The following CACNA1E variants were observed in gnomAD, a reference collection of about 807,000 sequenced individuals.
CACNA1E encodes voltage-dependent R-type calcium channel subunit alpha-1E.
Under a neutral mutation model 259.2 loss-of-function variants are expected in CACNA1E, and 40 were observed. The observed-to-expected ratio is 0.15, with a 90% confidence interval of 0.12 to 0.20. CACNA1E has a LOEUF of 0.20. Ranked by LOEUF, CACNA1E falls within the 10% of genes least tolerant of loss-of-function variation. The pLI, the probability that CACNA1E is intolerant of heterozygous loss-of-function variation, is 1.00. For missense variants in CACNA1E, 1,874 were observed against 3,040.1 expected, an observed-to-expected ratio of 0.62 and a Z score of 9.02; for synonymous variants, 1,104 against 1,138.5, an observed-to-expected ratio of 0.97 and a Z score of 0.61.
At chr1:181,713,755 G>A (rs1653623523) in intron 8 of CACNA1E, among the ~76,000 whole-genome samples, 1 of 152,176 alleles carries the variant, frequency 6.6e-6, no homozygotes, top group South Asian at 2.1e-4. Context: ...AACTCATCCC[G>A]TTACTCCTCA....
At chr1:181,351,160 G>T (rs1043408905) in intron 1 of CACNA1E, among the ~76,000 whole-genome samples, 1 of 152,184 alleles carries the variant, frequency 6.6e-6, no homozygotes, top group Non-Finnish European at 1.5e-5. Flanking sequence ...CAGTGGCTGG[G>T]GCTGGGAATA....
chr1:181,389,137 C>G (rs911688728), intron 1 of CACNA1E, among the ~76,000 whole-genome samples: 1 of 149,438 alleles, frequency 6.7e-6, no homozygotes, highest in African/African-American at 2.5e-5. Context: ...AGCCCTGTAG[C>G]TCATGCCTGA....
intron 7 of CACNA1E, among the ~76,000 whole-genome samples, chr1:181,708,870 T>G (rs981290080): frequency 2.6e-5 from 4 of 152,220 alleles, no homozygotes; most frequent in Non-Finnish European, 5.9e-5. Context: ...TTGCCATGGT[T>G]AGTACTGGAG....
At chr1:181,414,251 C>T (rs760875045) in intron 2 of CACNA1E, among the ~76,000 whole-genome samples, 8 of 152,238 alleles carry the variant, frequency 5.3e-5, no homozygotes, top group Admixed American at 6.5e-5. Flanking sequence ...CTGTGGATGC[C>T]GGAGTTTACT....
At chr1:181,594,770 C>T (rs948486821) in intron 6 of CACNA1E, among the ~76,000 whole-genome samples, 2 of 152,194 alleles carry the variant, frequency 1.3e-5, no homozygotes, top group East Asian at 1.9e-4. Context: ...CTCAGTGAGA[C>T]TCATTTTCAA....
intron 3 of CACNA1E, among the ~76,000 whole-genome samples, chr1:181,541,313 C>T (rs1004662171): frequency 2.0e-5 from 3 of 151,752 alleles, no homozygotes; most frequent in Admixed American, 6.6e-5. Flanking sequence ...TTATATCCAA[C>T]ATTATATATG....
intron 6 of CACNA1E, among the ~76,000 whole-genome samples, chr1:181,590,416 A>ATATAT (rs1419171903): frequency 6.9e-5 from 8 of 115,888 alleles, no homozygotes; most frequent in African/African-American, 1.9e-4. Flanking sequence ...AAAAAAAAAA[A>ATATAT]ATATATATAT....
At chr1:181,525,804 T>C (rs1448106687) in intron 3 of CACNA1E, among the ~76,000 whole-genome samples, 1 of 152,214 alleles carries the variant, frequency 6.6e-6, no homozygotes, top group East Asian at 1.9e-4. Flanking sequence ...GGCCATAGAT[T>C]GGAGTGGTCC....
In CACNA1E at chr1:181,339,061, T is replaced by C. The variant is rs191742908; in HGVS notation, c.-15+20938T>C. On this transcript the variant is annotated intron_variant, in intron 1 of 11. Transcript: ENST00000524607. ...GCCTATGTGTCTGTTTTGATTATTA[T>C]AATTTTGTAATATAATTTGAAATCA... Among the ~76,000 whole-genome samples, 223 of 152,326 alleles carry C rather than the reference T, an allele frequency of 1.5e-3. 1 individual carries two copies. Among genetic ancestry groups the C allele is most frequent in the Admixed American group, 3.3e-3 (51 of 15,302 alleles).
chr1:181,601,373 G>A (rs1653728327), intron 6 of CACNA1E, among the ~76,000 whole-genome samples: 1 of 152,102 alleles, frequency 6.6e-6, no homozygotes, highest in Non-Finnish European at 1.5e-5. Flanking sequence ...TAAGTGCTGG[G>A]ATGCTCCCTT....
At chr1:181,721,449 C>G (rs1334428281) in intron 15 of CACNA1E, among the ~76,000 whole-genome samples, 3 of 152,134 alleles carry the variant, frequency 2.0e-5, no homozygotes, top group African/African-American at 7.2e-5. Flanking sequence ...AATGACCAGA[C>G]CACCTGATCT....
rs184105397 is a variant in CACNA1E, at chr1:181,321,464, G to C, written c.-15+3341G>C. 1.7e-3 allele frequency among the ~76,000 whole-genome samples: 266 copies of C among 152,308 alleles called. 6 individuals are homozygous for C. The highest frequency in any genetic ancestry group is 0.017 in the Admixed American group (263 of 15,298). On this transcript the variant is annotated intron_variant, in intron 1 of 11. Coordinates refer to the CACNA1E transcript ENST00000524607. ...AGTTATTGATGCCTGCTTCTCTCAG[G>C]ATCATAGTCAGGTGAATCCAGTTGT...
intron 7 of CACNA1E, among the ~76,000 whole-genome samples, chr1:181,654,875 G>A (rs906595452): frequency 6.6e-6 from 1 of 151,420 alleles, no homozygotes; most frequent in Non-Finnish European, 1.5e-5. Flanking sequence ...TCCCAGCTAC[G>A]CGAGAGGCTG....
intron 6 of CACNA1E, among the ~76,000 whole-genome samples, chr1:181,627,732 T>C (rs1656329058): frequency 6.6e-6 from 1 of 152,204 alleles, no homozygotes; most frequent in African/African-American, 2.4e-5. Flanking sequence ...GTTTAAATTG[T>C]GTCACTAACA....
chr1:181,583,879 C>G (rs1253598825), intron 6 of CACNA1E, among the ~76,000 whole-genome samples: 1 of 152,148 alleles, frequency 6.6e-6, no homozygotes, highest in Non-Finnish European at 1.5e-5. Context: ...CCTGTTTGCA[C>G]TGTCTGTCCC....
rs1329935737 is a variant in CACNA1E at position 181,527,769 on chromosome 1, G to T, written c.512+16259G>T. On this transcript the variant is annotated intron_variant, in intron 3 of 47. Coordinates refer to ENST00000367573, the MANE Select transcript of CACNA1E (RefSeq NM_001205293.3). ...CCTACTTATATAATCAAAATCTCAT[G>T]ATAGTTCTATGTTGTTTTTGTTGCT... 2.6e-5 allele frequency among the ~76,000 whole-genome samples: 4 copies of T among 152,178 alleles called. No homozygotes were observed. The East Asian group carries it at 7.7e-4, about 29-fold the overall frequency.
intron 1 of CACNA1E, among the ~76,000 whole-genome samples, chr1:181,364,241 A>G (rs1293553261): frequency 6.6e-6 from 1 of 152,096 alleles, no homozygotes; most frequent in African/African-American, 2.4e-5. Flanking sequence ...TGTCTTCTTT[A>G]TTCACCATCC....
chr1:181,576,523 G>A (rs113954902), intron 3 of CACNA1E, among the ~76,000 whole-genome samples: 3 of 152,218 alleles, frequency 2.0e-5, no homozygotes, highest in East Asian at 3.9e-4. Context: ...TTGAAGACAC[G>A]TCAAATAGTG....
intron 2 of CACNA1E, among the ~76,000 whole-genome samples, chr1:181,454,453 C>A (rs1166866577): frequency 2.0e-5 from 3 of 152,146 alleles, no homozygotes; most frequent in Non-Finnish European, 4.4e-5. Context: ...GAGGCTTAGA[C>A]AAGGTGAAAT....
Sources: allele counts gnomAD v4.1 joint callset (sites outside exome capture counted in the v4.1 genomes callset), GRCh38; gene constraint gnomAD v4.1.1; transcripts MANE v1.5; gene names NCBI Gene and HGNC (gene_info 2026-07-23, HGNC 2026-07-21).